MAP2K5: variants seen among roughly 807,000 people sequenced by gnomAD.
MAP2K5 encodes the protein mitogen-activated protein kinase kinase 5, also known as dual specificity mitogen-activated protein kinase kinase 5.
MAP2K5 carries 49 observed loss-of-function variants against 83.1 expected under a neutral mutation model. The observed-to-expected ratio is 0.59, with a 90% CI of 0.47 to 0.75. The LOEUF (loss-of-function observed/expected upper bound fraction) is 0.75. Among genes scored for constraint, MAP2K5 ranks in the 30% least tolerant of loss-of-function variants. The pLI, the probability that MAP2K5 is intolerant of heterozygous loss-of-function variation, is 0.00. For synonymous variants in MAP2K5, 202 were observed against 191.8 expected (o/e 1.05, Z -0.44); for missense variants, 457 against 557.5 (o/e 0.82, Z 1.82).
intron 11 of MAP2K5, among the ~76,000 whole-genome samples, chr15:67,653,498 G>A (rs1022730216): frequency 2.0e-5 from 3 of 151,996 alleles, no homozygotes; most frequent in Non-Finnish European, 4.4e-5. Flanking sequence ...GTTTCTCCAT[G>A]TTGGTCAGGC....
At chr15:67,578,668 C>A (rs1422970767) in intron 3 of MAP2K5, among the ~76,000 whole-genome samples, 2 of 151,654 alleles carry the variant, frequency 1.3e-5, no homozygotes, top group South Asian at 4.2e-4. Flanking sequence ...TTATAGATGG[C>A]TTAAAAATTC....
chr15:67,695,332 T>G (rs1003071052), intron 15 of MAP2K5, among the ~76,000 whole-genome samples: 41 of 152,174 alleles, frequency 2.7e-4, no homozygotes, highest in Non-Finnish European at 5.4e-4. Context: ...CTAAACCTTC[T>G]TCTCAGAACA....
intron 13 of MAP2K5, among the ~76,000 whole-genome samples, chr15:67,672,554 G>A (rs1402238828): frequency 1.3e-5 from 2 of 150,434 alleles, no homozygotes; most frequent in Non-Finnish European, 3.0e-5. Flanking sequence ...GTAGATTCTG[G>A]ATATTAGCCC....
Position 67,786,351 on chromosome 15 carries a change from T to C in MAP2K5, c.1242+13599T>C, listed in dbSNP as rs1260299464. On this transcript the variant is annotated intron_variant, in intron 21 of 21. Transcript: ENST00000178640. The surrounding 1 kb of genome is among the most constrained non-coding windows in gnomAD (Gnocchi z 4.7). ...ACTCACTGGAAGCCATAACTTTTCA[T>C]GTCTGTCCTTTATTATTGGTAAAAT... 6.6e-6 allele frequency among the ~76,000 whole-genome samples: 1 copy of C among 152,220 alleles called. No homozygotes were observed. The highest frequency in any genetic ancestry group is 2.4e-5 in the African/African-American group (1 of 41,468).
intron 13 of MAP2K5, among the ~76,000 whole-genome samples, chr15:67,681,161 C>T (rs1322729663): frequency 6.6e-6 from 1 of 152,176 alleles, no homozygotes; most frequent in Non-Finnish European, 1.5e-5. Context: ...CTCTTAACAG[C>T]CTTGTCAATG....
chr15:67,795,728 A>G (rs2090594012), intron 21 of MAP2K5, among the ~76,000 whole-genome samples: 1 of 152,222 alleles, frequency 6.6e-6, no homozygotes, highest in Non-Finnish European at 1.5e-5. Flanking sequence ...CATCCTTTAG[A>G]TCAACTTTAT....
intron 9 of MAP2K5, among the ~76,000 whole-genome samples, chr15:67,642,818 A>T (rs750484481): frequency 6.6e-6 from 1 of 152,214 alleles, no homozygotes; most frequent in Non-Finnish European, 1.5e-5. Context: ...AAGGTTCTTG[A>T]TCAAGGGAAT....
intron 17 of MAP2K5, among the ~76,000 whole-genome samples, chr15:67,742,053 C>A (rs374024605): frequency 1.1e-4 from 17 of 152,240 alleles, no homozygotes; most frequent in African/African-American, 4.1e-4. Flanking sequence ...TGCCACCACA[C>A]CCGGCTAATT....
At chr15:67,623,821 T>G (rs970516909) in intron 8 of MAP2K5, among the ~76,000 whole-genome samples, 126 of 152,004 alleles carry the variant, frequency 8.3e-4, no homozygotes, top group African/African-American at 2.9e-3. Flanking sequence ...GGTCTCGAAC[T>G]CCCAACCTCA....
intron 11 of MAP2K5, among the ~76,000 whole-genome samples, chr15:67,647,739 G>A (rs1034935068): frequency 5.9e-5 from 9 of 152,064 alleles, no homozygotes; most frequent in East Asian, 3.8e-4. Context: ...GTGTGGTAGC[G>A]CATACCTGTA....
intron 9 of MAP2K5, chr15:67,642,281 T>A (rs2086729407): frequency 1.9e-6 from 1 of 519,180 alleles, no homozygotes; most frequent in Admixed American, 3.6e-5. Flanking sequence ...TTGAGTTAAA[T>A]CCTACATCAC....
chr15:67,767,655 G>C (rs1206407880), intron 19 of MAP2K5, among the ~76,000 whole-genome samples: 2 of 152,156 alleles, frequency 1.3e-5, no homozygotes, highest in African/African-American at 4.8e-5. Context: ...TCCTAAAACA[G>C]GCTGCAGCTG....
chr15:67,682,902 G>A (rs1014871762), intron 13 of MAP2K5, among the ~76,000 whole-genome samples: 2 of 151,900 alleles, frequency 1.3e-5, no homozygotes, highest in African/African-American at 4.8e-5. Context: ...CACTTTGGGA[G>A]GCTGAGGCAG....
Position 67,749,419 on chromosome 15 carries a change from A to G in MAP2K5, c.1134+818A>G, listed in dbSNP as rs1338756306. 6.6e-6 allele frequency among the ~76,000 whole-genome samples: 1 copy of G among 152,216 alleles called. No homozygotes were observed. Among genetic ancestry groups the G allele is most frequent in the East Asian group, 1.9e-4 (1 of 5,204 alleles). ...TTTATTTTTTAAACTTTAATTTTAT[A>G]ATATTTAAAACAGTTGTAATTAGAG... On this transcript the variant is annotated intron_variant, in intron 19 of 21. Transcript: ENST00000178640. The surrounding 1 kb of genome is among the most constrained non-coding windows in gnomAD (Gnocchi z 4.6).
At position 67,801,471 on chromosome 15, in the gene MAP2K5, A is replaced by G. The variant is rs62015227; in HGVS notation, c.1243-5175A>G. Among the ~76,000 whole-genome samples, 13,133 of 152,254 alleles carry G rather than the reference A, an allele frequency of 0.086. 713 individuals carry two copies. The highest frequency in any genetic ancestry group is 0.1 in the Admixed American group (1,585 of 15,292). Reference sequence around the variant, plus strand: ...CTGAGGCAGAGCAGTCCTGTGGTCCAGAGAGCCACCAAATGTCTAGAGCAG... The same window carrying G: ...CTGAGGCAGAGCAGTCCTGTGGTCCGGAGAGCCACCAAATGTCTAGAGCAG... On this transcript the variant is annotated intron_variant, in intron 21 of 21. Transcript: ENST00000178640. The surrounding 1 kb of genome is among the most constrained non-coding windows in gnomAD (Gnocchi z 4.8).
chr15:67,601,187 T>A (rs780621003), intron 8 of MAP2K5, among the ~76,000 whole-genome samples: 1 of 152,186 alleles, frequency 6.6e-6, no homozygotes, highest in Non-Finnish European at 1.5e-5. Flanking sequence ...AAAAGCCTTC[T>A]TCCTGTTGTA....
chr15:67,696,617 C>T (rs760748248), intron 15 of MAP2K5, among the ~76,000 whole-genome samples: 6 of 151,998 alleles, frequency 3.9e-5, no homozygotes, highest in Non-Finnish European at 5.9e-5. Flanking sequence ...ACAGGGAACA[C>T]GACATTATAT....
intron 15 of MAP2K5, among the ~76,000 whole-genome samples, chr15:67,699,053 A>G (rs1049275736): frequency 5.3e-5 from 8 of 152,230 alleles, no homozygotes; most frequent in Non-Finnish European, 1.2e-4. Context: ...TTTAATGAGG[A>G]CATCAGCTTC....
chr15:67,681,509 T>C (rs956095300), intron 13 of MAP2K5, among the ~76,000 whole-genome samples: 4 of 152,178 alleles, frequency 2.6e-5, no homozygotes, highest in African/African-American at 7.2e-5. Flanking sequence ...GCCTACTGCA[T>C]AAAATGACTA....
Sources: gnomAD v4.1 joint callset for allele counts (sites outside exome capture counted in the v4.1 genomes callset) on GRCh38, gnomAD v4.1.1 for gene constraint, Gnocchi (gnomAD v3.1) non-coding constraint, MANE v1.5 for transcripts, NCBI Gene and HGNC (gene_info 2026-07-23, HGNC 2026-07-21) for gene names.